SUPT3H: variants seen among roughly 807,000 people sequenced by gnomAD.
The protein encoded by SUPT3H is transcription initiation protein SPT3 homolog.
Under a neutral mutation model 44.3 loss-of-function variants are expected in SUPT3H, and 44 were observed. The ratio of observed to expected loss-of-function variants is 0.99; its 90% CI spans 0.78 to 1.28. The LOEUF (loss-of-function observed/expected upper bound fraction) is 1.28, where lower values mean the gene tolerates loss of function less well. Ranked by LOEUF, SUPT3H falls within the 50% of genes most tolerant of loss-of-function variation. The pLI, the probability that SUPT3H is intolerant of heterozygous loss-of-function variation, is 0.00. For synonymous variants in SUPT3H, 124 were observed against 125.6 expected (o/e 0.99, Z 0.09); for missense variants, 380 against 387.1 (o/e 0.98, Z 0.15).
intron 2 of SUPT3H, among the ~76,000 whole-genome samples, chr6:45,246,782 T>C (rs1771423101): frequency 6.6e-6 from 1 of 152,128 alleles, no homozygotes; most frequent in African/African-American, 2.4e-5. Flanking sequence ...TATTTTTAAC[T>C]AAATGAAAAT....
intron 9 of SUPT3H, among the ~76,000 whole-genome samples, chr6:44,952,239 G>T (rs1048941961): frequency 6.6e-6 from 1 of 152,142 alleles, no homozygotes; most frequent in Non-Finnish European, 1.5e-5. Context: ...AGGGTCCATA[G>T]GGTTCACAGA....
At chr6:45,222,874 C>T (rs1037019759) in intron 2 of SUPT3H, among the ~76,000 whole-genome samples, 2 of 152,086 alleles carry the variant, frequency 1.3e-5, no homozygotes, top group African/African-American at 2.4e-5. Flanking sequence ...GAGCTAATAA[C>T]TACTAATGAA....
At chr6:45,333,869 T>G (rs1286790901) in intron 2 of SUPT3H, among the ~76,000 whole-genome samples, 1 of 151,228 alleles carries the variant, frequency 6.6e-6, no homozygotes, top group Non-Finnish European at 1.5e-5. Flanking sequence ...TGACTTGAGC[T>G]CTAAATAAAA....
chr6:44,992,365 T>C (rs1481527441), intron 6 of SUPT3H, among the ~76,000 whole-genome samples: 1 of 152,152 alleles, frequency 6.6e-6, no homozygotes, highest in Non-Finnish European at 1.5e-5. Context: ...CGGTAAGGCC[T>C]GCATCATGCA....
chr6:45,132,184 T>G (rs1803572885), intron 2 of SUPT3H, among the ~76,000 whole-genome samples: 1 of 152,156 alleles, frequency 6.6e-6, no homozygotes, highest in Non-Finnish European at 1.5e-5. Flanking sequence ...TATATTTTCC[T>G]GCTCCTGGCA....
intron 2 of SUPT3H, among the ~76,000 whole-genome samples, chr6:45,302,977 TAC>T (rs962132717): frequency 5.9e-5 from 9 of 152,086 alleles, no homozygotes; most frequent in Non-Finnish European, 1.2e-4. Context: ...CCCAAATACT[TAC>T]AGTCAACTGA....
chr6:45,085,946 T>C (rs1020813863), intron 3 of SUPT3H, among the ~76,000 whole-genome samples: 1 of 152,072 alleles, frequency 6.6e-6, no homozygotes, highest in Admixed American at 6.6e-5. Flanking sequence ...TTAAAACAAC[T>C]CAATTATAAT....
intron 2 of SUPT3H, among the ~76,000 whole-genome samples, chr6:45,203,828 C>G (rs1762784515): frequency 6.6e-6 from 1 of 152,162 alleles, no homozygotes; most frequent in Non-Finnish European, 1.5e-5. Flanking sequence ...TCCAAGAAAG[C>G]CCCCCTTGAC....
chr6:45,218,642 G>A (rs1584322534), intron 2 of SUPT3H, among the ~76,000 whole-genome samples: 1 of 152,216 alleles, frequency 6.6e-6, no homozygotes, highest in Non-Finnish European at 1.5e-5. Flanking sequence ...GCTGAGGCAG[G>A]AGAATCACTT....
chr6:45,100,784 T>C (rs773817313), intron 3 of SUPT3H, among the ~76,000 whole-genome samples: 7 of 152,034 alleles, frequency 4.6e-5, no homozygotes, highest in Non-Finnish European at 1.0e-4. Flanking sequence ...AGTATAACCA[T>C]TATAGAAAAC....
chr6:45,179,361 C>T (rs891043786), intron 2 of SUPT3H, among the ~76,000 whole-genome samples: 2 of 152,134 alleles, frequency 1.3e-5, no homozygotes, highest in African/African-American at 4.8e-5. Context: ...AGAGGGAATC[C>T]TCCCTAACTC....
chr6:45,306,234 C>T lies in SUPT3H; in HGVS notation c.101+58967G>A, dbSNP rs536807461. 7.9e-5 allele frequency among the ~76,000 whole-genome samples: 12 copies of T among 152,288 alleles called. 1 individual carries two copies. The highest frequency in any genetic ancestry group is 3.3e-4 in the Admixed American group (5 of 15,300). On this transcript the variant is annotated intron_variant, in intron 2 of 10. Coordinates refer to ENST00000371459, the MANE Select transcript of SUPT3H (RefSeq NM_003599.4). ...TTTCAAGCAAGTCCACAAGCCATAC[C>T]CAGTACCAAAACGAATCCATGCTCA... is the stretch of plus-strand genomic sequence containing the variant.
chr6:45,302,330 C>T (rs1394439830), intron 2 of SUPT3H, among the ~76,000 whole-genome samples: 1 of 151,642 alleles, frequency 6.6e-6, no homozygotes, highest in Admixed American at 6.6e-5. Flanking sequence ...AGCTTAGCTC[C>T]CCCTTATGAG....
chr6:45,267,929 A>G (rs1432257142), intron 2 of SUPT3H, among the ~76,000 whole-genome samples: 1 of 152,212 alleles, frequency 6.6e-6, no homozygotes, highest in Admixed American at 6.5e-5. Flanking sequence ...CAGCTCACAT[A>G]CAAATAATTG....
chr6:45,118,886 A>C (rs889214792), intron 2 of SUPT3H, among the ~76,000 whole-genome samples: 1 of 152,202 alleles, frequency 6.6e-6, no homozygotes, highest in Admixed American at 6.5e-5. Context: ...GAGGCTAAGA[A>C]GTGCTTAAGC....
intron 3 of SUPT3H, among the ~76,000 whole-genome samples, chr6:45,063,209 C>A (rs1583325099): frequency 6.9e-6 from 1 of 144,424 alleles, no homozygotes; most frequent in African/African-American, 2.6e-5. Flanking sequence ...ACACTGACAC[C>A]TCACACGGCA....
chr6:45,331,372 T>A (rs568611743), intron 2 of SUPT3H, among the ~76,000 whole-genome samples: 1 of 152,130 alleles, frequency 6.6e-6, no homozygotes, highest in East Asian at 1.9e-4. Flanking sequence ...TTGAACATGA[T>A]GTGTGAACAC....
At chr6:45,289,093 ATGTGTTTT>A (rs1471262337) in intron 2 of SUPT3H, among the ~76,000 whole-genome samples, 19 of 152,074 alleles carry the variant, frequency 1.2e-4, no homozygotes, top group Non-Finnish European at 2.8e-4. Context: ...GTTCTTTCTA[ATGTGTTTT>A]TCATATTCCA....
At chr6:45,269,331 T>C (rs1476971584) in intron 2 of SUPT3H, among the ~76,000 whole-genome samples, 1 of 152,192 alleles carries the variant, frequency 6.6e-6, no homozygotes, top group Non-Finnish European at 1.5e-5. Flanking sequence ...AACACCATTT[T>C]ATCAAGAAGC....
Sources: allele counts gnomAD v4.1 joint callset (sites outside exome capture counted in the v4.1 genomes callset), GRCh38; gene constraint gnomAD v4.1.1; transcripts MANE v1.5; gene names NCBI Gene and HGNC (gene_info 2026-07-23, HGNC 2026-07-21).